The following CNNM2 variants were observed in gnomAD, a reference collection of about 807,000 sequenced individuals.
CNNM2 encodes the protein metal transporter CNNM2.
In CNNM2, 12 loss-of-function variants were observed where a neutral mutation model predicts 66.9. The observed-to-expected ratio is 0.18, with a 90% CI of 0.11 to 0.29. The LOEUF (loss-of-function observed/expected upper bound fraction) is 0.29. Among genes scored for constraint, CNNM2 ranks in the 10% least tolerant of loss-of-function variants. The probability of loss-of-function intolerance (pLI) is 1.00; values close to 1 mark genes in which losing one functional copy is unlikely to be tolerated. For missense variants in CNNM2, 705 were observed against 1,167.7 expected (o/e 0.60, Z 5.77); for synonymous variants, 557 against 501.8 (o/e 1.11, Z -1.47).
At chr10:103,061,866 T>TAAA (rs34245839) in intron 4 of CNNM2, among the ~76,000 whole-genome samples, 1 of 151,272 alleles carries the variant, frequency 6.6e-6, no homozygotes, top group African/African-American at 2.4e-5. Context: ...GGGAAAGTAG[T>TAAA]AAAAAAAAAT....
At chr10:103,010,166 A>G (rs75625443) in intron 1 of CNNM2, among the ~76,000 whole-genome samples, 1 of 152,322 alleles carries the variant, frequency 6.6e-6, no homozygotes, top group Non-Finnish European at 1.5e-5. Flanking sequence ...AACGTAATAT[A>G]GAAACATGTT....
Position 103,089,594 on chromosome 10 carries a change from C to A in CNNM2, c.*12414C>A. On this transcript the variant is annotated 3_prime_UTR_variant, in exon 8 of 8. Coordinates refer to ENST00000369878, the MANE Select transcript of CNNM2 (RefSeq NM_017649.5). ...GCCCCCTCCCTCCCCCGAGTAGAACCCTAACAGGGACCTCGTTTGTTCCTG... is the reference window on the plus strand; with the variant it reads ...GCCCCCTCCCTCCCCCGAGTAGAACACTAACAGGGACCTCGTTTGTTCCTG... 6.8e-7 allele frequency: 1 copy of A among 1,472,816 alleles called. No homozygotes were observed. The highest frequency in any genetic ancestry group is 1.4e-5 in the South Asian group (1 of 69,308). 91.2% of individuals were successfully genotyped at this position (1,472,816 alleles called of 1,614,324 possible).
At chr10:103,037,578 T>C (rs2064964997) in intron 1 of CNNM2, among the ~76,000 whole-genome samples, 1 of 152,116 alleles carries the variant, frequency 6.6e-6, no homozygotes, top group Non-Finnish European at 1.5e-5. Flanking sequence ...TGGAGTCTTC[T>C]CTCTGTAATG....
Position 103,081,057 on chromosome 10 carries a change from A to C in CNNM2, c.*3877A>C, listed in dbSNP as rs1375761727. ...GTTCCCCAGGGGTGATCCTAGGCAG[A>C]TGACTCACCCGGGCTGGCACAGGAA... On this transcript the variant is annotated 3_prime_UTR_variant, in exon 8 of 8. Transcript: ENST00000369878. The C allele has an allele frequency of 6.6e-6, 1 of 152,166 alleles. No homozygotes were observed. Among genetic ancestry groups the C allele is most frequent in the Non-Finnish European group, 1.5e-5 (1 of 68,034 alleles). 9.4% of individuals were successfully genotyped at this position (152,166 alleles called of 1,614,324 possible). A position where few individuals can be genotyped will look rare whatever the true frequency, so the allele number is the denominator to read the frequency against.
At chr10:102,978,529 C>A (rs1224654490) in intron 1 of CNNM2, among the ~76,000 whole-genome samples, 1 of 152,166 alleles carries the variant, frequency 6.6e-6, no homozygotes, top group Non-Finnish European at 1.5e-5. Context: ...CATTTTATAG[C>A]ATATTATGGC....
chr10:103,076,740 A>G (rs2065698707), intron 7 of CNNM2, among the ~76,000 whole-genome samples: 1 of 152,142 alleles, frequency 6.6e-6, no homozygotes, highest in African/African-American at 2.4e-5. Flanking sequence ...ACCAGTCTCT[A>G]TTTTCTAGTC....
At chr10:103,059,227 G>T (rs1389487276) in intron 4 of CNNM2, among the ~76,000 whole-genome samples, 1 of 152,106 alleles carries the variant, frequency 6.6e-6, no homozygotes, top group Non-Finnish European at 1.5e-5. Context: ...ACCTGCCTTA[G>T]CCTCCCAAAG....
intron 1 of CNNM2, among the ~76,000 whole-genome samples, chr10:103,019,007 C>T (rs2064514347): frequency 6.6e-6 from 1 of 150,606 alleles, no homozygotes; most frequent in Non-Finnish European, 1.5e-5. Context: ...GTGGCTCACG[C>T]CTGTAATCCC....
chr10:103,015,319 T>C (rs1185190633), intron 1 of CNNM2, among the ~76,000 whole-genome samples: 1 of 152,198 alleles, frequency 6.6e-6, no homozygotes, highest in Non-Finnish European at 1.5e-5. Flanking sequence ...CTGTACCTCT[T>C]GTGCTTACCC....
chr10:102,979,581 T>C (rs1475364970), intron 1 of CNNM2, among the ~76,000 whole-genome samples: 10 of 152,192 alleles, frequency 6.6e-5, no homozygotes. Flanking sequence ...ATGTGTAACA[T>C]TTGTCTCCCC....
intron 1 of CNNM2, among the ~76,000 whole-genome samples, chr10:103,025,888 C>A (rs755255750): frequency 2.6e-5 from 4 of 152,214 alleles, no homozygotes; most frequent in Non-Finnish European, 4.4e-5. Context: ...ATGTGTCTCA[C>A]AAAGTTCATG....
intron 1 of CNNM2, among the ~76,000 whole-genome samples, chr10:103,047,578 G>A (rs2065147173): frequency 6.6e-6 from 1 of 152,156 alleles, no homozygotes; most frequent in Admixed American, 6.5e-5. Flanking sequence ...TTAACAATGG[G>A]GGAAACCGGG....
At chr10:103,025,249 G>A (rs1376963123) in intron 1 of CNNM2, among the ~76,000 whole-genome samples, 1 of 152,116 alleles carries the variant, frequency 6.6e-6, no homozygotes, top group Non-Finnish European at 1.5e-5. Flanking sequence ...GTGCCACCAT[G>A]CCCGGCTAAT....
At chr10:102,975,780 A>C (rs1483232799) in intron 1 of CNNM2, among the ~76,000 whole-genome samples, 1 of 152,198 alleles carries the variant, frequency 6.6e-6, no homozygotes, top group East Asian at 1.9e-4. Flanking sequence ...GCTTGGCAGT[A>C]GTTTAGGGTT....
intron 1 of CNNM2, among the ~76,000 whole-genome samples, chr10:102,980,514 C>G (rs2134229408): frequency 6.6e-6 from 1 of 152,210 alleles, no homozygotes; most frequent in Admixed American, 6.5e-5. Flanking sequence ...AAGTGATCTG[C>G]CCGCCTTGGG....
At chr10:102,953,339 C>T (rs968856671) in intron 1 of CNNM2, among the ~76,000 whole-genome samples, 1 of 151,886 alleles carries the variant, frequency 6.6e-6, no homozygotes, top group Non-Finnish European at 1.5e-5. Context: ...TTGCTGCAAC[C>T]TCTGCCTCCT....
At chr10:103,073,012 T>C (rs1564871617) in intron 6 of CNNM2, among the ~76,000 whole-genome samples, 1 of 152,222 alleles carries the variant, frequency 6.6e-6, no homozygotes, top group Non-Finnish European at 1.5e-5. Flanking sequence ...ACCTTTATTA[T>C]TATTAATATT....
chr10:102,957,303 C>T (rs906699483), intron 1 of CNNM2, among the ~76,000 whole-genome samples: 5 of 151,996 alleles, frequency 3.3e-5, no homozygotes, highest in Non-Finnish European at 7.4e-5. Context: ...GAGACTCCGT[C>T]TCAAAAAAAT....
intron 1 of CNNM2, among the ~76,000 whole-genome samples, chr10:103,040,757 C>T (rs769614167): frequency 2.4e-4 from 36 of 152,114 alleles, no homozygotes; most frequent in Admixed American, 6.6e-4. Context: ...TATTTGAAGG[C>T]TGCTGTCAAC....
Sources: allele counts gnomAD v4.1 joint callset (sites outside exome capture counted in the v4.1 genomes callset), GRCh38; gene constraint gnomAD v4.1.1; transcripts MANE v1.5; gene names NCBI Gene and HGNC (gene_info 2026-07-23, HGNC 2026-07-21).